Variants in KRT15 observed in about 807,000 individuals in gnomAD.
KRT15 encodes the protein keratin, type I cytoskeletal 15.
A neutral mutation model predicts 46.6 loss-of-function variants in KRT15; 45 were observed. That is an observed-to-expected ratio of 0.97 (90% CI 0.76 to 1.24). The LOEUF (loss-of-function observed/expected upper bound fraction) is 1.24, where lower values mean the gene tolerates loss of function less well. Ranked by LOEUF, KRT15 falls within the 50% of genes most tolerant of loss-of-function variation. The probability of loss-of-function intolerance (pLI) is 0.00; values close to 1 mark genes in which losing one functional copy is unlikely to be tolerated. For missense variants in KRT15, 592 were observed against 588.9 expected (o/e 1.01, Z -0.05); for synonymous variants, 221 against 233.8 (o/e 0.95, Z 0.50).
Position 41,518,793 on chromosome 17 carries a change from G to A in KRT15, c.35C>T (p.Thr12Ile). Reference protein sequence around the residue: ...TTTFLQTSSSTFGGGSTRGGS... With the variant: ...TTTFLQTSSSIFGGGSTRGGS... ...CCCTCGGGTTGAGCCACCCCCAAAG[G>A]TGGAGGAAGAAGTTTGCAGAAATGT... The change falls in exon 1 of 8, where the codon ACC (threonine) becomes ATC (isoleucine). Residue 12 changes from threonine (T) to isoleucine (I), a missense_variant. Coordinates refer to ENST00000254043, the MANE Select transcript of KRT15 (RefSeq NM_002275.4). The A allele has an allele frequency of 1.3e-6, 2 of 1,548,436 alleles. No individual in the cohort carries two copies. Among genetic ancestry groups the A allele is most frequent in the Non-Finnish European group, 8.7e-7 (1 of 1,153,180 alleles).
Position 41,517,115 on chromosome 17 carries a change from A to T in KRT15, c.549T>A (p.Asn183Lys). The change falls in exon 2 of 8, where the codon AAT (asparagine) becomes AAA (lysine). Residue 183 changes from asparagine (N) to lysine (K), a missense_variant. Transcript: ENST00000254043. ...DNSRVILEID[N>K]ARLAADDFRL... ...TGAAGTCGTCCGCAGCCAGCCTGGCATTGTCGATCTCCAGGATGACCCGGG... is the reference window on the plus strand; with the variant it reads ...TGAAGTCGTCCGCAGCCAGCCTGGCTTTGTCGATCTCCAGGATGACCCGGG... 1.2e-6 allele frequency: 2 copies of T among 1,614,176 alleles called. No individual in the cohort carries two copies. Among genetic ancestry groups the T allele is most frequent in the Non-Finnish European group, 1.7e-6 (2 of 1,180,032 alleles).
chr17:41,514,956 T>G, intron 6 of KRT15: 1 of 347,992 alleles, frequency 2.9e-6, no homozygotes, highest in Non-Finnish European at 5.3e-6. Flanking sequence ...AACCTCCGCC[T>G]CCCGGGTTCA....
chr17:41,517,070 C>T lies in KRT15; in HGVS notation c.581+13G>A, dbSNP rs774839034. The T allele has an allele frequency of 4.3e-6, 7 of 1,614,106 alleles. No homozygotes were observed. Among genetic ancestry groups the T allele is most frequent in the Middle Eastern group, 1.7e-4 (1 of 6,060 alleles). On this transcript the variant is annotated intron_variant, in intron 2 of 7. Coordinates refer to ENST00000254043, the MANE Select transcript of KRT15 (RefSeq NM_002275.4). Reference sequence around the variant, plus strand: ...GGGCAATGCAGGAAGAGGAGAGAGACGGGGGAGCGCACTTGAGCCTGAAGT... The same window carrying T: ...GGGCAATGCAGGAAGAGGAGAGAGATGGGGGAGCGCACTTGAGCCTGAAGT...
At chr17:41,517,039 TA>T (rs754634287) in intron 2 of KRT15, 43 bp downstream of exon 2, 2 of 1,613,890 alleles carry the variant, frequency 1.2e-6, no homozygotes, top group Non-Finnish European at 1.7e-6. Flanking sequence ...GAAGGCCAAG[TA>T]AAGTGGGCAA....
chr17:41,515,639 C>G lies in KRT15; in HGVS notation c.1080G>C (p.Gln360His), dbSNP rs1905319123. The part of the protein sequence containing the change: ...LAETECRYAT[Q>H]LQQIQGLIGG... ...CAATGAGCCCCTGGATCTGCTGCAG[C>G]TGCGTGGCATAGCGGCACTCTGTCT... The change falls in exon 6 of 8, where the codon CAG becomes CAC. Residue 360 changes from glutamine to histidine, a missense_variant. Coordinates refer to ENST00000254043, the MANE Select transcript of KRT15 (RefSeq NM_002275.4). 6.2e-7 allele frequency: 1 copy of G among 1,614,102 alleles called. No individual in the cohort carries two copies. The highest frequency in any genetic ancestry group is 1.3e-5 in the African/African-American group (1 of 74,940).
chr17:41,514,795 T>C lies in KRT15; in HGVS notation c.1248-121A>G, dbSNP rs529942876. On this transcript the variant is annotated intron_variant, in intron 6 of 7. Coordinates refer to ENST00000254043, the MANE Select transcript of KRT15 (RefSeq NM_002275.4). The stretch of plus-strand genomic sequence containing the variant: ...CCTACACCACCACCACCCACACATC[T>C]GACTCCTCTAGGGGTGGGACATCCT... 4 of 887,920 alleles carry C rather than the reference T, an allele frequency of 4.5e-6. No individual in the cohort carries two copies. The South Asian group carries it at 6.1e-5, about 14-fold the overall frequency. 55.0% of individuals were successfully genotyped at this position (887,920 alleles called of 1,614,324 possible).
Position 41,518,788 on chromosome 17 carries a change from C to A in KRT15, c.40G>T (p.Gly14Trp). The A allele has an allele frequency of 6.4e-7, 1 of 1,554,956 alleles. No individual in the cohort carries two copies. The highest frequency in any genetic ancestry group is 8.7e-7 in the Non-Finnish European group (1 of 1,155,756). Residue 14 changes from glycine to tryptophan, a missense_variant, in exon 1 of 8, where the codon GGG (glycine) becomes TGG (tryptophan). Physicochemically the swap from Gly to Trp is radical, Grantham distance 184. Coordinates refer to ENST00000254043, the MANE Select transcript of KRT15 (RefSeq NM_002275.4). ...GAACCCCCTCGGGTTGAGCCACCCC[C>A]AAAGGTGGAGGAAGAAGTTTGCAGA... ...TFLQTSSSTFGGGSTRGGSLL... is the reference protein window; with the variant it reads ...TFLQTSSSTFWGGSTRGGSLL...
rs1131334 is a variant in KRT15, at chr17:41,513,759, A to C, written c.*264T>G. 2,624 of 368,092 alleles carry C rather than the reference A, an allele frequency of 7.1e-3. 22 individuals carry two copies. The highest frequency in any genetic ancestry group is 0.01 in the Non-Finnish European group (2,014 of 196,966). The allele number at this position is 368,092 out of a possible 1,614,324, so 22.8% of individuals were successfully genotyped here. A position where few individuals can be genotyped will look rare whatever the true frequency, so the allele number is the denominator to read the frequency against. On this transcript the variant is annotated 3_prime_UTR_variant, in exon 8 of 8. Transcript: ENST00000254043. ...CTGCCAAGAGATATTTGCAAAAGGA[A>C]AAGTAATTCTTTATTACATGAACAG...
In KRT15 at chr17:41,518,732, C is replaced by G; in HGVS notation, c.96G>C (p.Gly32=). 2 of 1,607,792 alleles carry G rather than the reference C, an allele frequency of 1.2e-6. No homozygotes were observed. Among genetic ancestry groups the G allele is most frequent in the East Asian group, 4.5e-5 (2 of 44,798 alleles). Residue 32 remains glycine (G), a synonymous_variant, in exon 1 of 8, where the codon GGG becomes GGC. Coordinates refer to ENST00000254043, the MANE Select transcript of KRT15 (RefSeq NM_002275.4). ...TTCCACCTCCCCCAGAGAGACTCCC[C>G]CCACCAAAGCCACCTCCCCCAGCCA... is the stretch of plus-strand genomic sequence containing the variant. The part of the protein sequence containing the change: ...SLLAGGGGFG[G]GSLSGGGGSR...
At chr17:41,516,046 C>T (rs751693599) in intron 4 of KRT15, 36 bp from the exon 5 acceptor site, 11 of 1,614,004 alleles carry the variant, frequency 6.8e-6, no homozygotes, top group Admixed American at 1.7e-5. Context: ...AGCCCCGGGG[C>T]CTCCTCGGAG....
In KRT15 at chr17:41,518,805, G is replaced by T; in HGVS notation, c.23C>A (p.Thr8Asn). 6.5e-7 allele frequency: 1 copy of T among 1,541,666 alleles called. No individual in the cohort carries two copies. The highest frequency in any genetic ancestry group is 8.7e-7 in the Non-Finnish European group (1 of 1,149,684). ...GCCACCCCCAAAGGTGGAGGAAGAA[G>T]TTTGCAGAAATGTGGTGGTCATGGC... MTTTFLQ[T>N]SSSTFGGGST... The change falls in exon 1 of 8, where the codon ACT becomes AAT. Residue 8 changes from threonine (T) to asparagine (N), a missense_variant. Physicochemically the swap from Thr to Asn is moderately conservative, Grantham distance 65 (BLOSUM62 0). Coordinates refer to ENST00000254043, the MANE Select transcript of KRT15 (RefSeq NM_002275.4).
chr17:41,515,731 A>C (rs1437655536), intron 5 of KRT15, 39 bp from the exon 6 acceptor site: 2 of 1,605,962 alleles, frequency 1.2e-6, no homozygotes. Flanking sequence ...TCAGGCTAGA[A>C]AGGAAGCCAC....
At chr17:41,515,795 G>T in intron 5 of KRT15, 90 bp downstream of exon 5, 1 of 1,605,234 alleles carries the variant, frequency 6.2e-7, no homozygotes, top group Non-Finnish European at 8.5e-7. Context: ...CACCTCTTGA[G>T]GGGGCTTGAG....
Position 41,516,915 on chromosome 17 carries a change from C to T in KRT15, c.631G>A (p.Gly211Ser), listed in dbSNP as rs753633915. Residue 211 changes from glycine (G) to serine (S), a missense_variant, in exon 3 of 8, where the codon GGC (glycine) becomes AGC (serine). By Grantham distance (56) the Gly-to-Ser change is moderately conservative. Coordinates refer to ENST00000254043, the MANE Select transcript of KRT15 (RefSeq NM_002275.4). ...AGCTCATCCAGGACTCGGCGCAAGC[C>T]GTTGATGTCAGCCTCAACGCCCTGG... is the stretch of plus-strand genomic sequence containing the variant. Reference protein sequence around the residue: ...LRQGVEADINGLRRVLDELTL... With the variant: ...LRQGVEADINSLRRVLDELTL... 3.1e-6 allele frequency: 5 copies of T among 1,614,100 alleles called. No individual in the cohort carries two copies. The highest frequency in any genetic ancestry group is 4.5e-5 in the East Asian group (2 of 44,894).
chr17:41,517,555 C>T (rs1315826869), intron 1 of KRT15: 3 of 259,556 alleles, frequency 1.2e-5, no homozygotes, highest in Non-Finnish European at 2.3e-5. Context: ...GTCACTGCCT[C>T]CTGCACACCT....
At position 41,513,961 on chromosome 17, in the gene KRT15, G is replaced by T; in HGVS notation, c.*62C>A. 2 of 1,239,994 alleles carry T rather than the reference G, an allele frequency of 1.6e-6. No homozygotes were observed. The highest frequency in any genetic ancestry group is 2.4e-6 in the Non-Finnish European group (2 of 839,016). The allele number at this position is 1,239,994 out of a possible 1,614,324, so 76.8% of individuals were successfully genotyped here. On this transcript the variant is annotated 3_prime_UTR_variant, in exon 8 of 8. Transcript: ENST00000254043. ...TTTGCATGTGCAGGCCCTCTGGCCA[G>T]TCCTCCACTTGGCCTGATGAGAGTG... is the stretch of plus-strand genomic sequence containing the variant.
In KRT15 at chr17:41,518,570, A is replaced by T; in HGVS notation, c.258T>A (p.Gly86=). 1 of 1,604,598 alleles carries T rather than the reference A, an allele frequency of 6.2e-7. No homozygotes were observed. Among genetic ancestry groups the T allele is most frequent in the Non-Finnish European group, 8.5e-7 (1 of 1,176,304 alleles). ...CACCAAAGCCACCACCAAAACCCCC[A>T]CCAACGCCCCCTCCAAAGCCTCCAC... ...VFGGGFGGGV[G]GGFGGGFGGG... The change falls in exon 1 of 8, where the codon GGT becomes GGA. Residue 86 remains glycine, a synonymous_variant. Transcript: ENST00000254043.
intron 1 of KRT15, 112 bp from the exon 2 acceptor site, chr17:41,517,277 C>G: frequency 1.2e-5 from 10 of 867,422 alleles, no homozygotes; most frequent in Non-Finnish European, 1.8e-5. Context: ...GACAATCACC[C>G]CTCTGACACC....
At position 41,518,325 on chromosome 17, in the gene KRT15, C is replaced by T. The variant is rs781689485; in HGVS notation, c.498+5G>A. ...CTCCCCTCTCTTTGACATCCGAGGA[C>T]TCACCTTGTCCCGGAGCTCTTCAAT... is the stretch of plus-strand genomic sequence containing the variant. On this transcript the variant is annotated splice_donor_5th_base_variant and intron_variant, in intron 1 of 7. Coordinates refer to ENST00000254043, the MANE Select transcript of KRT15 (RefSeq NM_002275.4). The T allele has an allele frequency of 2.5e-6, 4 of 1,608,482 alleles. No homozygotes were observed. Among genetic ancestry groups the T allele is most frequent in the Non-Finnish European group, 2.6e-6 (3 of 1,175,914 alleles).
Sources: gnomAD v4.1 joint callset for allele counts on GRCh38, gnomAD v4.1.1 for gene constraint, MANE v1.5 for transcripts, NCBI Gene and HGNC (gene_info 2026-07-23, HGNC 2026-07-21) for gene names.